PHKB: variants seen among roughly 807,000 people sequenced by gnomAD.
The protein encoded by PHKB is phosphorylase b kinase regulatory subunit beta.
In PHKB, 122 loss-of-function variants were observed where a neutral mutation model predicts 152.1. The ratio of observed to expected loss-of-function variants is 0.80; its 90% CI spans 0.69 to 0.93. The LOEUF is 0.93. PHKB is among the 40% of genes least tolerant of loss of function. The pLI is 0.00. For missense variants in PHKB, 1,304 were observed against 1,328.4 expected, an observed-to-expected ratio of 0.98 and a Z score of 0.29; for synonymous variants, 436 against 464.9, an observed-to-expected ratio of 0.94 and a Z score of 0.80.
At chr16:47,470,104 CGGCGCTA>C (rs966106249) in intron 1 of PHKB, among the ~76,000 whole-genome samples, 1 of 152,056 alleles carries the variant, frequency 6.6e-6, no homozygotes, top group Non-Finnish European at 1.5e-5. Flanking sequence ...CCTAACCCAG[CGGCGCTA>C]GAGGAATTAA....
intron 1 of PHKB, among the ~76,000 whole-genome samples, chr16:47,469,086 C>G (rs573756379): frequency 1.3e-5 from 2 of 152,130 alleles, no homozygotes; most frequent in African/African-American, 2.4e-5. Context: ...TCATCTTCAT[C>G]CACTAGAATA....
chr16:47,682,205 AT>A (rs1187690188), intron 26 of PHKB, among the ~76,000 whole-genome samples: 4 of 151,854 alleles, frequency 2.6e-5, no homozygotes, highest in Admixed American at 2.0e-4. Context: ...TTTTTCTTTC[AT>A]TTCAACTTTG....
intron 20 of PHKB, among the ~76,000 whole-genome samples, chr16:47,651,314 A>C (rs1015791826): frequency 2.0e-5 from 3 of 152,212 alleles, no homozygotes; most frequent in Non-Finnish European, 2.9e-5. Context: ...TTATCTTCAC[A>C]GCTCCTAAAT....
chr16:47,497,374 G>T, intron 1 of PHKB, 25 bp from the exon 2 acceptor site: 1 of 1,385,616 alleles, frequency 7.2e-7, no homozygotes, highest in South Asian at 1.2e-5. Flanking sequence ...GACTGAATTT[G>T]ATGGGTTTTT....
chr16:47,521,143 TTA>T (rs1485653264), intron 6 of PHKB, among the ~76,000 whole-genome samples: 1 of 152,236 alleles, frequency 6.6e-6, no homozygotes, highest in Non-Finnish European at 1.5e-5. Context: ...TTAATCGTTT[TTA>T]TGAGTTCTTT....
intron 6 of PHKB, among the ~76,000 whole-genome samples, chr16:47,537,772 G>A (rs1366868171): frequency 1.3e-5 from 2 of 152,148 alleles, no homozygotes; most frequent in East Asian, 3.8e-4. Context: ...GGAAATTCAA[G>A]TGGAAATATT....
At chr16:47,540,396 T>G (rs1971032880) in intron 6 of PHKB, among the ~76,000 whole-genome samples, 1 of 152,190 alleles carries the variant, frequency 6.6e-6, no homozygotes, top group African/African-American at 2.4e-5. Flanking sequence ...TTGTCCTGTT[T>G]CCTCAGAAGC....
At chr16:47,462,284 G>C (rs1969578642) in intron 1 of PHKB, 1 of 152,246 alleles carries the variant, frequency 6.6e-6, no homozygotes, top group Admixed American at 6.5e-5. Flanking sequence ...ATTATTGGGG[G>C]TGGGTGTGAA....
intron 5 of PHKB, among the ~76,000 whole-genome samples, chr16:47,515,270 C>A (rs1316061295): frequency 6.6e-6 from 1 of 152,146 alleles, no homozygotes; most frequent in Non-Finnish European, 1.5e-5. Context: ...CAGTTGTTAA[C>A]AGTTTTATTT....
intron 27 of PHKB, among the ~76,000 whole-genome samples, chr16:47,689,857 A>T (rs1974029623): frequency 6.6e-6 from 1 of 152,242 alleles, no homozygotes; most frequent in Admixed American, 6.5e-5. Flanking sequence ...CCTCGTTCTT[A>T]AATAGGAACA....
intron 30 of PHKB, 136 bp from the exon 31 acceptor site, chr16:47,699,093 A>C (rs1281024756): frequency 2.2e-5 from 18 of 800,658 alleles, no homozygotes; most frequent in Non-Finnish European, 3.2e-5. Context: ...AATGAAAGAA[A>C]AGCTCAGGAA....
chr16:47,599,128 G>T, intron 13 of PHKB: 1 of 478,386 alleles, frequency 2.1e-6, no homozygotes, highest in Non-Finnish European at 3.7e-6. Context: ...AAGCTTTGTT[G>T]TTACAGTTAA....
At chr16:47,484,975 AG>A (rs1160007359) in intron 1 of PHKB, among the ~76,000 whole-genome samples, 1 of 152,216 alleles carries the variant, frequency 6.6e-6, no homozygotes, top group Non-Finnish European at 1.5e-5. Context: ...GGCATTTTAA[AG>A]TACTTAGTTA....
At chr16:47,647,429 C>T (rs1973150746) in intron 16 of PHKB, among the ~76,000 whole-genome samples, 2 of 150,938 alleles carry the variant, frequency 1.3e-5, no homozygotes, top group Admixed American at 6.6e-5. Flanking sequence ...CAGCTTTCCC[C>T]TTCAGTTTTA....
At chr16:47,696,510 T>C (rs779286732) in intron 29 of PHKB, 22 bp downstream of exon 29, 2 of 1,291,770 alleles carry the variant, frequency 1.5e-6, no homozygotes, top group East Asian at 2.3e-5. Flanking sequence ...GAAATGAAGA[T>C]TGCTGAATAA....
At chr16:47,697,380 C>T (rs1456016081) in intron 29 of PHKB, among the ~76,000 whole-genome samples, 2 of 152,134 alleles carry the variant, frequency 1.3e-5, no homozygotes, top group Admixed American at 6.6e-5. Context: ...CAGACTGGGT[C>T]GTGAAAAGAC....
At chr16:47,549,051 C>G (rs1424641986) in intron 7 of PHKB, among the ~76,000 whole-genome samples, 4 of 152,130 alleles carry the variant, frequency 2.6e-5, no homozygotes, top group Non-Finnish European at 4.4e-5. Context: ...GGAATTTTTA[C>G]AGTATAGACC....
chr16:47,684,538 A>G (rs1160757254), intron 26 of PHKB, among the ~76,000 whole-genome samples: 1 of 152,014 alleles, frequency 6.6e-6, no homozygotes, highest in Non-Finnish European at 1.5e-5. Context: ...AGGCCAAGGT[A>G]GGCGGATCAC....
chr16:47,487,146 A>T (rs1347599334), intron 1 of PHKB, among the ~76,000 whole-genome samples: 1 of 152,236 alleles, frequency 6.6e-6, no homozygotes, highest in Non-Finnish European at 1.5e-5. Context: ...ACCCAAAGAA[A>T]TCTGAAAGTA....
Sources: allele counts gnomAD v4.1 joint callset (sites outside exome capture counted in the v4.1 genomes callset), GRCh38; gene constraint gnomAD v4.1.1; transcripts MANE v1.5; gene names NCBI Gene and HGNC (gene_info 2026-07-23, HGNC 2026-07-21).